ZNF827: variants seen among roughly 807,000 people sequenced by gnomAD.
The protein encoded by ZNF827 is zinc finger protein 827.
Under a neutral mutation model 102.4 loss-of-function variants are expected in ZNF827, and 13 were observed. The observed-to-expected ratio is 0.13, with a 90% CI of 0.08 to 0.20. The LOEUF is 0.20. ZNF827 is among the 10% of genes least tolerant of loss of function. The pLI, the probability that ZNF827 is intolerant of heterozygous loss-of-function variation, is 1.00. For synonymous variants in ZNF827, 523 were observed against 536.2 expected, an observed-to-expected ratio of 0.98 and a Z score of 0.34; for missense variants, 1,103 against 1,344.4, an observed-to-expected ratio of 0.82 and a Z score of 2.81.
At chr4:145,781,218 GA>G (rs1560914681) in intron 8 of ZNF827, among the ~76,000 whole-genome samples, 3 of 70,854 alleles carry the variant, frequency 4.2e-5, no homozygotes, top group East Asian at 3.9e-4. Context: ...AAAAAAAAAA[GA>G]AAAAAAAAGA....
intron 5 of ZNF827, among the ~76,000 whole-genome samples, chr4:145,853,409 T>G (rs1746727610): frequency 6.6e-6 from 1 of 152,338 alleles, no homozygotes; most frequent in South Asian, 2.1e-4. Context: ...ATAGTCATTT[T>G]ATCCCAGGTG....
intron 8 of ZNF827, among the ~76,000 whole-genome samples, chr4:145,800,004 T>C (rs1279531089): frequency 8.0e-6 from 1 of 125,480 alleles, no homozygotes; most frequent in African/African-American, 3.2e-5. Context: ...ATTTTGGCCT[T>C]TTTTTTACAG....
intron 8 of ZNF827, among the ~76,000 whole-genome samples, chr4:145,809,133 T>C (rs1235529938): frequency 6.6e-6 from 1 of 152,228 alleles, no homozygotes; most frequent in African/African-American, 2.4e-5. Flanking sequence ...TCTGCCAAAG[T>C]GGATTTTGTC....
chr4:145,880,110 C>T (rs1749538237), intron 4 of ZNF827, among the ~76,000 whole-genome samples: 1 of 152,192 alleles, frequency 6.6e-6, no homozygotes, highest in Non-Finnish European at 1.5e-5. Context: ...TGGCAGGTAC[C>T]TTTAGTCCCA....
At chr4:145,908,093 A>G (rs1326052219) in intron 1 of ZNF827, among the ~76,000 whole-genome samples, 1 of 152,210 alleles carries the variant, frequency 6.6e-6, no homozygotes, top group Non-Finnish European at 1.5e-5. Context: ...TTTTAATCAG[A>G]TGCATTTAAT....
At chr4:145,816,857 G>A (rs1351854655) in intron 8 of ZNF827, among the ~76,000 whole-genome samples, 1 of 152,216 alleles carries the variant, frequency 6.6e-6, no homozygotes, top group African/African-American at 2.4e-5. Flanking sequence ...CATGTCATTA[G>A]TTTAGGGCAA....
chr4:145,846,004 C>T lies in ZNF827; in HGVS notation c.2231G>A (p.Ser744Asn), dbSNP rs1745894285. ...TTCTTTTGTATGATTGTGCTCTTTG[C>T]TCACTTTTTCTGTAAGGAGAAAGAA... Reference protein sequence around the residue: ...ELLFQLSEKVSKEHNHTKENT... With the variant: ...ELLFQLSEKVNKEHNHTKENT... The change falls in exon 7 of 15, where the codon AGC (serine) becomes AAC (asparagine). Residue 744 changes from serine (S) to asparagine (N), a missense_variant. This residue lies in a region of ZNF827 where 243 missense variants were observed against 251.6 expected (regional missense o/e 0.97). Coordinates refer to ENST00000508784, the MANE Select transcript of ZNF827 (RefSeq NM_001306215.2). 1 of 1,614,106 alleles carries T rather than the reference C, an allele frequency of 6.2e-7. No individual in the cohort carries two copies. Among genetic ancestry groups the T allele is most frequent in the Non-Finnish European group, 8.5e-7 (1 of 1,180,044 alleles).
At chr4:145,801,598 G>T (rs550037498) in intron 8 of ZNF827, among the ~76,000 whole-genome samples, 27 of 152,338 alleles carry the variant, frequency 1.8e-4, no homozygotes, top group African/African-American at 6.3e-4. Context: ...TCAGGAAGAA[G>T]CTGTCAACTT....
intron 8 of ZNF827, among the ~76,000 whole-genome samples, chr4:145,792,653 C>G (rs536166269): frequency 1.1e-4 from 16 of 152,068 alleles, no homozygotes; most frequent in Non-Finnish European, 2.4e-4. Flanking sequence ...CTTGGCCTCC[C>G]AAAGTGCTGG....
intron 8 of ZNF827, among the ~76,000 whole-genome samples, chr4:145,809,992 G>C (rs1272155389): frequency 6.6e-6 from 1 of 152,158 alleles, no homozygotes; most frequent in East Asian, 1.9e-4. Context: ...GCAGCAGGCA[G>C]GAAGGACCCA....
chr4:145,859,646 G>A (rs1430977126), intron 5 of ZNF827, among the ~76,000 whole-genome samples: 4 of 152,178 alleles, frequency 2.6e-5, no homozygotes, highest in African/African-American at 9.7e-5. Context: ...CTACTTACAA[G>A]TAGTGTAAGC....
intron 5 of ZNF827, among the ~76,000 whole-genome samples, chr4:145,859,194 G>C (rs1337429248): frequency 6.6e-6 from 1 of 152,124 alleles, no homozygotes; most frequent in Non-Finnish European, 1.5e-5. Flanking sequence ...GCAATAGATG[G>C]GGTAGGAAGG....
At chr4:145,932,375 G>A (rs1753871972) in intron 1 of ZNF827, among the ~76,000 whole-genome samples, 2 of 152,078 alleles carry the variant, frequency 1.3e-5, no homozygotes, top group South Asian at 4.1e-4. Flanking sequence ...AAACTACTGG[G>A]ATTACTTAAG....
intron 1 of ZNF827, among the ~76,000 whole-genome samples, chr4:145,914,222 C>T (rs944829797): frequency 1.3e-5 from 2 of 151,912 alleles, no homozygotes; most frequent in South Asian, 2.1e-4. Flanking sequence ...AGAAAAGGGC[C>T]GTGGGAGACA....
chr4:145,937,459 G>A (rs1754278300), intron 1 of ZNF827, among the ~76,000 whole-genome samples: 1 of 151,286 alleles, frequency 6.6e-6, no homozygotes, highest in South Asian at 2.1e-4. Context: ...CGCTCTGCAG[G>A]GACCTCGCGC....
At chr4:145,835,879 T>C (rs1320139991) in intron 7 of ZNF827, among the ~76,000 whole-genome samples, 1 of 151,668 alleles carries the variant, frequency 6.6e-6, no homozygotes, top group East Asian at 1.9e-4. Context: ...ACAAGTTAGT[T>C]CAGGATCTGC....
intron 1 of ZNF827, among the ~76,000 whole-genome samples, chr4:145,925,545 C>T (rs565014244): frequency 6.6e-6 from 1 of 152,294 alleles, no homozygotes; most frequent in East Asian, 1.9e-4. Context: ...TACAGAACTT[C>T]TGTGAGCCAG....
At chr4:145,797,588 C>G (rs780577649) in intron 8 of ZNF827, among the ~76,000 whole-genome samples, 2 of 152,182 alleles carry the variant, frequency 1.3e-5, no homozygotes, top group Non-Finnish European at 2.9e-5. Context: ...TTCTCATTCC[C>G]ATCTGCTCCT....
At chr4:145,791,230 G>C (rs1467285446) in intron 8 of ZNF827, among the ~76,000 whole-genome samples, 1 of 152,192 alleles carries the variant, frequency 6.6e-6, no homozygotes, top group Non-Finnish European at 1.5e-5. Context: ...CTTCCTCACA[G>C]ACAGCCATCT....
Sources: allele counts gnomAD v4.1 joint callset (sites outside exome capture counted in the v4.1 genomes callset), GRCh38; gene constraint gnomAD v4.1.1; regional missense constraint gnomAD v4.1.1; transcripts MANE v1.5; gene names NCBI Gene and HGNC (gene_info 2026-07-23, HGNC 2026-07-21).